LRP2BP: variants seen among roughly 807,000 people sequenced by gnomAD.
LRP2BP encodes LRP2-binding protein.
A neutral mutation model predicts 45.2 loss-of-function variants in LRP2BP; 38 were observed. The observed-to-expected ratio is 0.84, with a 90% CI of 0.65 to 1.10. LRP2BP has a LOEUF of 1.10. LRP2BP is among the 50% of genes least tolerant of loss of function. The pLI, the probability that LRP2BP is intolerant of heterozygous loss-of-function variation, is 0.00. For missense variants in LRP2BP, 385 were observed against 418.9 expected, an observed-to-expected ratio of 0.92 and a Z score of 0.71; for synonymous variants, 153 against 153.9, an observed-to-expected ratio of 0.99 and a Z score of 0.04.
Position 185,366,974 on chromosome 4 carries a change from ACT to A in LRP2BP, c.*204_*205del. ...TAGGGTAAGAGGTGGACCTCTGAGG[ACT>A]CTTCCAGCAATTTGACCTTGTGTCT... On this transcript the variant is annotated 3_prime_UTR_variant, in exon 9 of 9. Transcript: ENST00000505916. 3.9e-6 allele frequency: 2 copies of A among 510,394 alleles called. No homozygotes were observed. Among genetic ancestry groups the A allele is most frequent in the Non-Finnish European group, 7.0e-6 (2 of 285,976 alleles). 31.6% of individuals were successfully genotyped at this position (510,394 alleles called of 1,614,324 possible). A position where few individuals can be genotyped will look rare whatever the true frequency, so the allele number is the denominator to read the frequency against.
chr4:185,387,586 A>ATT (rs1463075378), intron 1 of LRP2BP, among the ~76,000 whole-genome samples: 1 of 152,174 alleles, frequency 6.6e-6, no homozygotes, highest in African/African-American at 2.4e-5. Flanking sequence ...GTCTTTTTGA[A>ATT]TTGCAAGTAA....
chr4:185,368,494 G>A (rs549772783), intron 8 of LRP2BP, among the ~76,000 whole-genome samples: 1 of 151,846 alleles, frequency 6.6e-6, no homozygotes, highest in Non-Finnish European at 1.5e-5. Context: ...CCCTTCCTGC[G>A]GGACACTGCC....
intron 1 of LRP2BP, among the ~76,000 whole-genome samples, chr4:185,393,568 C>A (rs1029258231): frequency 2.0e-5 from 3 of 151,330 alleles, no homozygotes; most frequent in African/African-American, 7.3e-5. Flanking sequence ...TCTTGTCACC[C>A]AGGCTGGAGT....
At chr4:185,376,546 G>A (rs773898144) in intron 3 of LRP2BP, among the ~76,000 whole-genome samples, 60 of 150,170 alleles carry the variant, frequency 4.0e-4, no homozygotes, top group Middle Eastern at 3.5e-3. Context: ...CACCTGCCTC[G>A]GCCTCCCGAA....
At chr4:185,374,737 G>A (rs1172044986) in intron 4 of LRP2BP, among the ~76,000 whole-genome samples, 1 of 152,088 alleles carries the variant, frequency 6.6e-6, no homozygotes, top group Non-Finnish European at 1.5e-5. Context: ...TTTAAGTCTC[G>A]ATATGGGCTT....
chr4:185,382,739 C>T (rs2095459165), intron 1 of LRP2BP, among the ~76,000 whole-genome samples: 1 of 152,166 alleles, frequency 6.6e-6, no homozygotes, highest in African/African-American at 2.4e-5. Flanking sequence ...AGTCTCATAC[C>T]AGTGTATAAT....
At chr4:185,384,272 CTG>C (rs1314010404) in intron 1 of LRP2BP, among the ~76,000 whole-genome samples, 1 of 152,154 alleles carries the variant, frequency 6.6e-6, no homozygotes, top group Non-Finnish European at 1.5e-5. Flanking sequence ...TCACCAGACA[CTG>C]AATCTGCCAG....
At chr4:185,387,158 G>A (rs535290614) in intron 1 of LRP2BP, among the ~76,000 whole-genome samples, 229 of 143,358 alleles carry the variant, frequency 1.6e-3, no homozygotes, top group African/African-American at 5.8e-3. Flanking sequence ...GGCATGAGAC[G>A]AGGGGCAGAG....
At chr4:185,376,615 T>G (rs562250513) in intron 3 of LRP2BP, among the ~76,000 whole-genome samples, 11 of 152,254 alleles carry the variant, frequency 7.2e-5, no homozygotes, top group African/African-American at 2.4e-4. Context: ...TTTGTATTAT[T>G]AAATATTTTG....
intron 6 of LRP2BP, 56 bp from the exon 7 acceptor site, chr4:185,373,135 G>A (rs1369430864): frequency 4.9e-5 from 71 of 1,459,424 alleles, no homozygotes; most frequent in Non-Finnish European, 6.3e-5. Context: ...GAAATTATAA[G>A]GGAATACTAG....
chr4:185,375,615 C>T lies in LRP2BP; in HGVS notation c.328G>A (p.Ala110Thr), dbSNP rs1270938175. 12 of 1,549,302 alleles carry T rather than the reference C, an allele frequency of 7.7e-6. No individual in the cohort carries two copies. Among genetic ancestry groups the T allele is most frequent in the Admixed American group, 3.6e-5 (2 of 55,794 alleles). Residue 110 changes from alanine to threonine, a missense_variant and splice_region_variant, in exon 4 of 9, where the codon GCT becomes ACT. By Grantham distance (58) the Ala-to-Thr change is moderately conservative. Transcript: ENST00000505916. The part of the protein sequence containing the change: ...YYDGLGTTLD[A>T]EKGVDYMKKI... ...CTGTGACCAAGACATTAACTTACAG[C>T]GTCTAGAGTGGTCCCCAGCCCATCA...
rs1400559347 is a variant in LRP2BP at position 185,376,785 on chromosome 4, T to C, written c.216+124A>G. 10 of 658,096 alleles carry C rather than the reference T, an allele frequency of 1.5e-5. No homozygotes were observed. The East Asian group carries it at 2.2e-4, about 14-fold the overall frequency. The allele number at this position is 658,096 out of a possible 1,614,324, so 40.8% of individuals were successfully genotyped here. ...TATCCTACTGTTAAAGCCACAGCCA[T>C]AGTCGATGTAATTGGACAGAATTTC... On this transcript the variant is annotated intron_variant, in intron 3 of 8. Coordinates refer to ENST00000505916, the MANE Select transcript of LRP2BP (RefSeq NM_001377440.1).
At chr4:185,388,471 TA>T (rs1426193497) in intron 1 of LRP2BP, among the ~76,000 whole-genome samples, 7 of 6,042 alleles carry the variant, frequency 1.2e-3, no homozygotes, top group African/African-American at 1.5e-3. Flanking sequence ...CTAACCTGCC[TA>T]ACCTACCTAG....
At chr4:185,384,917 C>T (rs1295735260) in intron 1 of LRP2BP, among the ~76,000 whole-genome samples, 5 of 149,794 alleles carry the variant, frequency 3.3e-5, no homozygotes, top group Non-Finnish European at 7.4e-5. Context: ...CCCCCGCCGC[C>T]CCTTTCAGCT....
At chr4:185,373,175 G>T in intron 6 of LRP2BP, 96 bp from the exon 7 acceptor site, 1 of 1,114,228 alleles carries the variant, frequency 9.0e-7, no homozygotes, top group Non-Finnish European at 1.3e-6. Context: ...TTCCTAGATA[G>T]CACTATTAAT....
intron 7 of LRP2BP, among the ~76,000 whole-genome samples, chr4:185,372,577 A>C (rs2095419521): frequency 6.6e-6 from 1 of 152,204 alleles, no homozygotes; most frequent in African/African-American, 2.4e-5. Flanking sequence ...TTCCCTTGGA[A>C]ATCCCAGTGT....
At chr4:185,377,624 G>T in intron 2 of LRP2BP, 1 of 166,742 alleles carries the variant, frequency 6.0e-6, no homozygotes, top group African/African-American at 2.4e-5. Context: ...ATAAGTCTAT[G>T]CATTGGTTTG....
At chr4:185,375,758 T>C (rs1311748029) in intron 3 of LRP2BP, 32 bp from the exon 4 acceptor site, 2 of 1,447,906 alleles carry the variant, frequency 1.4e-6, no homozygotes, top group African/African-American at 1.4e-5. Context: ...TTAATTATTT[T>C]TATTATGATC....
At chr4:185,390,031 A>AAAT (rs1206922798) in intron 1 of LRP2BP, among the ~76,000 whole-genome samples, 1 of 152,228 alleles carries the variant, frequency 6.6e-6, no homozygotes, top group African/African-American at 2.4e-5. Flanking sequence ...GGTTTCTTTA[A>AAAT]AATGGAGTTT....
Sources: allele counts gnomAD v4.1 joint callset (sites outside exome capture counted in the v4.1 genomes callset), GRCh38; gene constraint gnomAD v4.1.1; transcripts MANE v1.5; gene names NCBI Gene and HGNC (gene_info 2026-07-23, HGNC 2026-07-21).